The following RASGEF1C variants were observed in gnomAD, a reference collection of about 807,000 sequenced individuals.
RASGEF1C encodes the protein ras-GEF domain-containing family member 1C.
A neutral mutation model predicts 58.1 loss-of-function variants in RASGEF1C; 27 were observed. The observed-to-expected ratio is 0.46, with a 90% confidence interval of 0.34 to 0.64. The LOEUF is 0.64. Ranked by LOEUF, RASGEF1C falls within the 30% of genes least tolerant of loss-of-function variation. The pLI, the probability that RASGEF1C is intolerant of heterozygous loss-of-function variation, is 0.01. For missense variants in RASGEF1C, 502 were observed against 605.1 expected, an observed-to-expected ratio of 0.83 and a Z score of 1.79; for synonymous variants, 243 against 246.3, an observed-to-expected ratio of 0.99 and a Z score of 0.13.
intron 4 of RASGEF1C, among the ~76,000 whole-genome samples, chr5:180,128,882 G>A (rs1392488349): frequency 6.6e-6 from 1 of 152,188 alleles, no homozygotes; most frequent in African/African-American, 2.4e-5. Context: ...ACACATCAGG[G>A]AGGGTGACGG....
intron 1 of RASGEF1C, among the ~76,000 whole-genome samples, chr5:180,172,873 G>A (rs1767134889): frequency 1.3e-5 from 2 of 152,270 alleles, no homozygotes; most frequent in African/African-American, 4.8e-5. Flanking sequence ...CTCTCCCTGT[G>A]CTCCCGCCTC....
chr5:180,190,349 G>C (rs7716291), intron 1 of RASGEF1C, among the ~76,000 whole-genome samples: 42,217 of 151,372 alleles, frequency 0.28, 6,003 homozygotes, highest in East Asian at 0.32. Flanking sequence ...AATTAGCCGG[G>C]CGTGGTGGCG....
chr5:180,152,147 G>A (rs1453993926), intron 1 of RASGEF1C, among the ~76,000 whole-genome samples: 2 of 151,930 alleles, frequency 1.3e-5, no homozygotes, highest in Non-Finnish European at 2.9e-5. Context: ...CAACCATTGT[G>A]GAAGTCAGTG....
chr5:180,165,217 T>C (rs1767000434), intron 1 of RASGEF1C, among the ~76,000 whole-genome samples: 1 of 152,240 alleles, frequency 6.6e-6, no homozygotes, highest in African/African-American at 2.4e-5. Flanking sequence ...AAACCCACTC[T>C]GGCAATTTCT....
chr5:180,207,528 C>T (rs1029261491), intron 1 of RASGEF1C, among the ~76,000 whole-genome samples: 16 of 152,274 alleles, frequency 1.1e-4, no homozygotes, highest in African/African-American at 3.8e-4. Flanking sequence ...AGACCCCGGC[C>T]TGAAAAGGGC....
At chr5:180,125,868 A>G (rs1029941053) in intron 6 of RASGEF1C, among the ~76,000 whole-genome samples, 4 of 152,136 alleles carry the variant, frequency 2.6e-5, no homozygotes, top group African/African-American at 9.7e-5. Flanking sequence ...TGGGGTCCTT[A>G]ATAATTTTTA....
At chr5:180,174,496 G>GTC (rs1767182052) in intron 1 of RASGEF1C, among the ~76,000 whole-genome samples, 1 of 150,288 alleles carries the variant, frequency 6.7e-6, no homozygotes, top group South Asian at 2.1e-4. Flanking sequence ...GTGCGCGTGT[G>GTC]TGTCTGTGTG....
chr5:180,112,717 G>A (rs1316776815), intron 11 of RASGEF1C, among the ~76,000 whole-genome samples: 1 of 152,272 alleles, frequency 6.6e-6, no homozygotes, highest in Non-Finnish European at 1.5e-5. Flanking sequence ...TGTCTGCCTA[G>A]CTCACAGCTA....
intron 1 of RASGEF1C, among the ~76,000 whole-genome samples, chr5:180,204,903 C>A (rs917006010): frequency 6.6e-6 from 1 of 152,088 alleles, no homozygotes; most frequent in Non-Finnish European, 1.5e-5. Context: ...ATATGACTAA[C>A]AACAGGCCGG....
intron 12 of RASGEF1C, among the ~76,000 whole-genome samples, chr5:180,102,686 T>C (rs1438327088): frequency 4.0e-5 from 6 of 151,588 alleles, no homozygotes; most frequent in Admixed American, 2.6e-4. Context: ...TTTTGTTTTG[T>C]TTTTGTCAAA....
At chr5:180,124,069 C>T (rs1766217060) in intron 6 of RASGEF1C, among the ~76,000 whole-genome samples, 1 of 151,986 alleles carries the variant, frequency 6.6e-6, no homozygotes, top group Middle Eastern at 3.4e-3. Flanking sequence ...AACAAACAAA[C>T]AAACAAGAAT....
At chr5:180,199,380 G>A (rs1756339345) in intron 1 of RASGEF1C, among the ~76,000 whole-genome samples, 2 of 152,086 alleles carry the variant, frequency 1.3e-5, no homozygotes, top group Admixed American at 1.3e-4. Context: ...ACCGGATCCT[G>A]GATATTAAAA....
chr5:180,190,083 T>C lies in RASGEF1C; in HGVS notation c.-7+18945A>G, dbSNP rs79911729. On this transcript the variant is annotated intron_variant, in intron 1 of 13. Coordinates refer to ENST00000361132, the MANE Select transcript of RASGEF1C (RefSeq NM_175062.4). ...TGATCACAGGGCCAGGCGCAGTGGC[T>C]CCTGTCAGTAATCCCAACACTTTGG... 2.0e-4 allele frequency among the ~76,000 whole-genome samples: 30 copies of C among 151,906 alleles called. No individual in the cohort carries two copies. The East Asian group carries it at 5.4e-3, about 28-fold the overall frequency.
At chr5:180,107,763 C>A (rs1015178304) in intron 12 of RASGEF1C, among the ~76,000 whole-genome samples, 2 of 152,086 alleles carry the variant, frequency 1.3e-5, no homozygotes, top group African/African-American at 4.8e-5. Flanking sequence ...CATGTGCCAC[C>A]ACAGCTGGCT....
chr5:180,130,083 C>T (rs910536895), intron 4 of RASGEF1C, among the ~76,000 whole-genome samples: 4 of 152,174 alleles, frequency 2.6e-5, no homozygotes, highest in African/African-American at 9.7e-5. Flanking sequence ...GCTGGGCTCT[C>T]ATAGCACAGC....
At chr5:180,184,305 T>C (rs1273189190) in intron 1 of RASGEF1C, among the ~76,000 whole-genome samples, 1 of 152,218 alleles carries the variant, frequency 6.6e-6, no homozygotes, top group Non-Finnish European at 1.5e-5. Flanking sequence ...CTGGATGCAG[T>C]GGCTCATGCC....
chr5:180,175,928 A>C (rs1767217658), intron 1 of RASGEF1C, among the ~76,000 whole-genome samples: 1 of 152,186 alleles, frequency 6.6e-6, no homozygotes, highest in East Asian at 1.9e-4. Context: ...GCAGAGCTTG[A>C]AGTGAGCGGA....
intron 1 of RASGEF1C, among the ~76,000 whole-genome samples, chr5:180,193,832 TTAC>T (rs1756211990): frequency 2.0e-5 from 3 of 150,758 alleles, no homozygotes; most frequent in African/African-American, 7.3e-5. Flanking sequence ...GGCATGAAGT[TTAC>T]GCAGACAAAG....
chr5:180,199,947 T>C (rs1362238229), intron 1 of RASGEF1C, among the ~76,000 whole-genome samples: 1 of 152,094 alleles, frequency 6.6e-6, no homozygotes, highest in Non-Finnish European at 1.5e-5. Flanking sequence ...TTAGTAAAAA[T>C]AATGAGCAAA....
Sources: gnomAD v4.1 joint callset for allele counts (sites outside exome capture counted in the v4.1 genomes callset) on GRCh38, gnomAD v4.1.1 for gene constraint, MANE v1.5 for transcripts, NCBI Gene and HGNC (gene_info 2026-07-23, HGNC 2026-07-21) for gene names.